The following CCDC7 variants were observed in gnomAD, a reference collection of about 807,000 sequenced individuals.
The protein encoded by CCDC7 is coiled-coil domain containing 7, also known as coiled-coil domain-containing protein 7.
In CCDC7, 183 loss-of-function variants were observed where a neutral mutation model predicts 196.9. The ratio of observed to expected loss-of-function variants is 0.93; its 90% CI spans 0.82 to 1.05. The LOEUF is 1.05. CCDC7 is among the 50% of genes least tolerant of loss of function. CCDC7 has a pLI of 0.00. For missense variants in CCDC7, 1,540 were observed against 1,482.2 expected (o/e 1.04, Z -0.64); for synonymous variants, 525 against 484.6 (o/e 1.08, Z -1.10).
intron 20 of CCDC7, among the ~76,000 whole-genome samples, chr10:32,635,614 C>T (rs12268816): frequency 0.1 from 15,902 of 152,002 alleles, 1,031 homozygotes; most frequent in South Asian, 0.25. Context: ...GTGAGACCCT[C>T]ATTGCCACAA....
intron 21 of CCDC7, among the ~76,000 whole-genome samples, chr10:32,665,232 T>G (rs1832948085): frequency 6.6e-6 from 1 of 152,118 alleles, no homozygotes. Context: ...AGATTTATGA[T>G]TTGGAAATAC....
At chr10:32,635,932 G>A (rs1293563851) in intron 20 of CCDC7, among the ~76,000 whole-genome samples, 2 of 151,772 alleles carry the variant, frequency 1.3e-5, no homozygotes, top group African/African-American at 4.8e-5. Flanking sequence ...TATTTTATCT[G>A]CCTGGTAAGT....
intron 20 of CCDC7, among the ~76,000 whole-genome samples, chr10:32,646,420 G>A (rs867503917): frequency 2.6e-5 from 4 of 151,790 alleles, no homozygotes; most frequent in Non-Finnish European, 5.9e-5. Context: ...TAAAAAAATT[G>A]TTAAAACTTG....
chr10:32,652,696 A>G (rs898232725), intron 20 of CCDC7, among the ~76,000 whole-genome samples: 1 of 152,118 alleles, frequency 6.6e-6, no homozygotes, highest in Non-Finnish European at 1.5e-5. Context: ...AAAAAACTTT[A>G]TACTTTACTC....
At chr10:32,832,688 C>T (rs1034733767) in intron 32 of CCDC7, among the ~76,000 whole-genome samples, 1 of 151,876 alleles carries the variant, frequency 6.6e-6, no homozygotes, top group African/African-American at 2.4e-5. Flanking sequence ...TAAGAAAGTT[C>T]CTCAGGCTGA....
chr10:32,527,788 G>T (rs1044921231), intron 11 of CCDC7, among the ~76,000 whole-genome samples: 2 of 152,088 alleles, frequency 1.3e-5, no homozygotes, highest in Non-Finnish European at 2.9e-5. Context: ...AATTTAACAT[G>T]GCAATTGGTG....
At chr10:32,696,470 TC>T (rs2077742448) in intron 24 of CCDC7, among the ~76,000 whole-genome samples, 1 of 149,766 alleles carries the variant, frequency 6.7e-6, no homozygotes, top group Admixed American at 6.6e-5. Context: ...CATGTCATAG[TC>T]TTGTTTTCTG....
chr10:32,478,310 T>C (rs903515059), intron 8 of CCDC7, among the ~76,000 whole-genome samples: 4 of 152,170 alleles, frequency 2.6e-5, no homozygotes, highest in African/African-American at 9.6e-5. Context: ...TCTTTTCTTA[T>C]ATTATTGCAT....
chr10:32,518,421 C>A lies in CCDC7; in HGVS notation c.909C>A (p.Tyr303Ter). Residue 303 changes from tyrosine (Y) to a stop codon, truncating the protein, a stop_gained, in exon 11 of 42, where the codon TAC (tyrosine) becomes TAA (stop). Transcript: ENST00000639629. LOFTEE classifies it high-confidence loss of function. ...CTAAAATTATTTGTTTTTAGGAATA[C>A]AAACAGATGCAGTGTGATTTTCAGT... 1 of 1,596,270 alleles carries A rather than the reference C, an allele frequency of 6.3e-7. No individual in the cohort carries two copies. Among genetic ancestry groups the A allele is most frequent in the Admixed American group, 1.8e-5 (1 of 56,608 alleles).
At chr10:32,853,366 T>A (rs2093635233) in intron 40 of CCDC7, among the ~76,000 whole-genome samples, 1 of 152,152 alleles carries the variant, frequency 6.6e-6, no homozygotes, top group Non-Finnish European at 1.5e-5. Flanking sequence ...TAAAATATTT[T>A]AAAATTTTTC....
chr10:32,868,991 A>G (rs372177557), intron 41 of CCDC7, among the ~76,000 whole-genome samples: 22 of 151,950 alleles, frequency 1.4e-4, no homozygotes, highest in Non-Finnish European at 2.5e-4. Context: ...GGGTTGGTTC[A>G]AAGTCTTTGC....
intron 13 of CCDC7, among the ~76,000 whole-genome samples, chr10:32,548,306 C>T (rs2052841497): frequency 6.6e-6 from 1 of 152,026 alleles, no homozygotes; most frequent in South Asian, 2.1e-4. Flanking sequence ...ACTGGAGGGG[C>T]AGAGTCAGTA....
chr10:32,534,400 C>T (rs2050149980), intron 11 of CCDC7, among the ~76,000 whole-genome samples: 1 of 152,008 alleles, frequency 6.6e-6, no homozygotes, highest in African/African-American at 2.4e-5. Context: ...TTGTTATGGT[C>T]AGTCATGGTG....
At chr10:32,446,101 C>A (rs1234191070), upstream of CCDC7, 3 of 152,136 alleles carry the variant, frequency 2.0e-5, no homozygotes, top group African/African-American at 7.2e-5. Context: ...GCCGGCGGCG[C>A]CAAGGCGTCG....
rs188548238 is a variant in CCDC7 at position 32,551,406 on chromosome 10, T to C, written c.1134+7105T>C. 1.2e-4 allele frequency among the ~76,000 whole-genome samples: 18 copies of C among 152,268 alleles called. No homozygotes were observed. The East Asian group carries it at 2.9e-3, about 25-fold the overall frequency. ...TTATTTCAATTTCATTTAGTTCTGC[T>C]CTGATCTTGGTTGTTTCCTTTCTTC... On this transcript the variant is annotated intron_variant, in intron 13 of 41. Coordinates refer to ENST00000639629, the Ensembl canonical transcript of CCDC7.
intron 13 of CCDC7, among the ~76,000 whole-genome samples, chr10:32,552,532 A>C (rs1483522183): frequency 6.6e-6 from 1 of 152,134 alleles, no homozygotes; most frequent in East Asian, 1.9e-4. Flanking sequence ...TTTATGCTTT[A>C]AAGAGGTTCT....
intron 5 of CCDC7, among the ~76,000 whole-genome samples, chr10:32,469,657 G>T (rs1323968916): frequency 6.6e-6 from 1 of 152,194 alleles, no homozygotes; most frequent in Non-Finnish European, 1.5e-5. Context: ...TTGCTACGAA[G>T]TTCTGGGGGA....
chr10:32,523,398 A>G (rs2048165971), intron 11 of CCDC7, among the ~76,000 whole-genome samples: 1 of 152,022 alleles, frequency 6.6e-6, no homozygotes, highest in Non-Finnish European at 1.5e-5. Flanking sequence ...AATACGAAAA[A>G]ATTAGCTGGG....
chr10:32,831,278 A>G (rs1412386198), intron 32 of CCDC7, among the ~76,000 whole-genome samples: 2 of 151,584 alleles, frequency 1.3e-5, no homozygotes, highest in African/African-American at 4.9e-5. Context: ...CCATGAGTAG[A>G]GCTTGCAAGA....
Sources: allele counts gnomAD v4.1 joint callset (sites outside exome capture counted in the v4.1 genomes callset), GRCh38; gene constraint gnomAD v4.1.1; transcripts MANE v1.5; gene names NCBI Gene and HGNC (gene_info 2026-07-23, HGNC 2026-07-21).